SYT1: variants seen among roughly 807,000 people sequenced by gnomAD.
SYT1 encodes synaptotagmin-1.
In SYT1, 8 loss-of-function variants were observed where a neutral mutation model predicts 44.8. That is an observed-to-expected ratio of 0.18 (90% confidence interval 0.10 to 0.32). SYT1 has a LOEUF of 0.32. Among genes scored for constraint, SYT1 ranks in the 10% least tolerant of loss-of-function variants. The pLI is 1.00. For missense variants in SYT1, 286 were observed against 509.3 expected (o/e 0.56, Z 4.22); for synonymous variants, 154 against 188.8 (o/e 0.82, Z 1.51).
intron 10 of SYT1, among the ~76,000 whole-genome samples, chr12:79,444,871 G>C (rs552938806): frequency 2.9e-4 from 44 of 152,066 alleles, no homozygotes; most frequent in African/African-American, 1.0e-3. Context: ...TTATCATTTA[G>C]GGGTTTTTGA....
intron 3 of SYT1, among the ~76,000 whole-genome samples, chr12:79,177,963 T>C (rs944951734): frequency 6.7e-6 from 1 of 148,790 alleles, no homozygotes; most frequent in Non-Finnish European, 1.5e-5. Context: ...GTCAGATGAG[T>C]AGTTTGCGAA....
intron 8 of SYT1, among the ~76,000 whole-genome samples, chr12:79,334,686 A>G (rs1882009588): frequency 6.6e-6 from 1 of 152,178 alleles, no homozygotes; most frequent in Non-Finnish European, 1.5e-5. Flanking sequence ...TCTGTTGTGT[A>G]AGCTTAATCT....
At chr12:79,133,088 G>C (rs933539793) in intron 3 of SYT1, among the ~76,000 whole-genome samples, 1 of 152,150 alleles carries the variant, frequency 6.6e-6, no homozygotes, top group Admixed American at 6.6e-5. Context: ...TAGAGGCTTG[G>C]AATGTGGTGG....
At chr12:79,376,475 C>T (rs1416621050) in intron 9 of SYT1, among the ~76,000 whole-genome samples, 3 of 152,134 alleles carry the variant, frequency 2.0e-5, no homozygotes, top group Non-Finnish European at 2.9e-5. Flanking sequence ...TCACTCTCGG[C>T]GCCATTTTGG....
intron 4 of SYT1, among the ~76,000 whole-genome samples, chr12:79,234,708 C>CTTTT (rs1565867795): frequency 9.7e-6 from 1 of 102,946 alleles, no homozygotes; most frequent in East Asian, 2.3e-4. Context: ...TTCTTTCTTT[C>CTTTT]TTTCTTTTTT....
At chr12:79,293,415 A>T (rs541483154) in intron 6 of SYT1, among the ~76,000 whole-genome samples, 4 of 148,590 alleles carry the variant, frequency 2.7e-5, no homozygotes, top group African/African-American at 4.9e-5. Flanking sequence ...TAAAATTAAA[A>T]AATCTGTAAG....
rs934905674 is a variant in SYT1, at chr12:78,881,513, G to A, written c.-217+16404G>A. Among the ~76,000 whole-genome samples, 6 of 151,610 alleles carry A rather than the reference G, an allele frequency of 4.0e-5. No homozygotes were observed. The East Asian group carries it at 5.8e-4, about 15-fold the overall frequency. On this transcript the variant is annotated intron_variant, in intron 1 of 10. Transcript: ENST00000261205. ...TGTCTGGCACATAACAGACATTATC[G>A]AACCTTGTTGAATAAAAAGAGAATG...
At chr12:79,108,072 C>T (rs1348428517) in intron 3 of SYT1, among the ~76,000 whole-genome samples, 2 of 151,402 alleles carry the variant, frequency 1.3e-5, no homozygotes, top group African/African-American at 4.8e-5. Context: ...AGTAGAAAGA[C>T]AGCTACAATT....
chr12:78,922,523 A>G (rs1877065834), intron 1 of SYT1, among the ~76,000 whole-genome samples: 1 of 151,982 alleles, frequency 6.6e-6, no homozygotes, highest in Admixed American at 6.6e-5. Context: ...TTAAGGAAAT[A>G]TATGTAAATG....
At chr12:79,096,007 G>A (rs948646386) in intron 3 of SYT1, among the ~76,000 whole-genome samples, 1 of 151,868 alleles carries the variant, frequency 6.6e-6, no homozygotes, top group Non-Finnish European at 1.5e-5. Flanking sequence ...CGGTCCTGAG[G>A]GCTGTGGTGG....
At chr12:79,179,494 T>TATATATCC (rs1872339345) in intron 3 of SYT1, among the ~76,000 whole-genome samples, 2 of 108,454 alleles carry the variant, frequency 1.8e-5, no homozygotes, top group African/African-American at 7.6e-5. Flanking sequence ...TAGATATATC[T>TATATATCC]ATATAGATAT....
chr12:79,180,287 C>G (rs887653267), intron 3 of SYT1, among the ~76,000 whole-genome samples: 1 of 151,994 alleles, frequency 6.6e-6, no homozygotes, highest in Non-Finnish European at 1.5e-5. Flanking sequence ...GAATTCCTTA[C>G]ACACTATCCT....
chr12:79,088,766 GTGTGTGTGTGTGTA>G (rs1435216399), intron 3 of SYT1, among the ~76,000 whole-genome samples: 3 of 150,934 alleles, frequency 2.0e-5, no homozygotes, highest in East Asian at 2.0e-4. Context: ...GTGTGTGTGT[GTGTGTGTGTGTGTA>G]TGTGTGTGTG....
At chr12:78,949,054 A>C (rs1005334376) in intron 1 of SYT1, among the ~76,000 whole-genome samples, 1 of 151,144 alleles carries the variant, frequency 6.6e-6, no homozygotes, top group Non-Finnish European at 1.5e-5. Flanking sequence ...TTCTTTAGTC[A>C]TACTAAGTTC....
intron 3 of SYT1, among the ~76,000 whole-genome samples, chr12:79,179,379 G>T (rs1341679557): frequency 2.3e-5 from 1 of 42,742 alleles, no homozygotes; most frequent in African/African-American, 1.7e-4. Flanking sequence ...TATAGATATA[G>T]ATATATCGAT....
intron 1 of SYT1, among the ~76,000 whole-genome samples, chr12:78,879,934 T>G (rs142165279): frequency 6.6e-6 from 1 of 151,702 alleles, no homozygotes; most frequent in Non-Finnish European, 1.5e-5. Context: ...TTCTCTTTTA[T>G]CTGGTTAAAT....
At chr12:79,089,984 G>A (rs865814889) in intron 3 of SYT1, among the ~76,000 whole-genome samples, 8 of 151,984 alleles carry the variant, frequency 5.3e-5, no homozygotes, top group African/African-American at 1.4e-4. Flanking sequence ...ATGTAACAAC[G>A]TGAGGGTGAA....
At chr12:79,342,744 T>C (rs1882434134) in intron 8 of SYT1, among the ~76,000 whole-genome samples, 1 of 152,238 alleles carries the variant, frequency 6.6e-6, no homozygotes, top group Non-Finnish European at 1.5e-5. Context: ...CCCAGTTTTC[T>C]GGCTTAAGCA....
At chr12:78,962,314 C>T (rs1398697196) in intron 1 of SYT1, among the ~76,000 whole-genome samples, 1 of 147,928 alleles carries the variant, frequency 6.8e-6, no homozygotes, top group African/African-American at 2.5e-5. Context: ...ACGCAGTAAT[C>T]ATTCAATAGC....
Sources: allele counts gnomAD v4.1 joint callset (sites outside exome capture counted in the v4.1 genomes callset), GRCh38; gene constraint gnomAD v4.1.1; transcripts MANE v1.5; gene names NCBI Gene and HGNC (gene_info 2026-07-23, HGNC 2026-07-21).